The following PRKCB variants were observed in gnomAD, a reference collection of about 807,000 sequenced individuals.
PRKCB encodes the protein protein kinase C beta type.
PRKCB carries 13 observed loss-of-function variants against 81.5 expected under a neutral mutation model. The ratio of observed to expected loss-of-function variants is 0.16; its 90% confidence interval spans 0.10 to 0.25. PRKCB has a LOEUF of 0.25. Ranked by LOEUF, PRKCB falls within the 10% of genes least tolerant of loss-of-function variation. The probability of loss-of-function intolerance (pLI) is 1.00; values close to 1 mark genes in which losing one functional copy is unlikely to be tolerated. For missense variants in PRKCB, 509 were observed against 875.7 expected, an observed-to-expected ratio of 0.58 and a Z score of 5.29; for synonymous variants, 335 against 321.4, an observed-to-expected ratio of 1.04 and a Z score of -0.45.
intron 8 of PRKCB, among the ~76,000 whole-genome samples, chr16:24,122,796 T>C (rs1405687060): frequency 2.0e-5 from 3 of 152,184 alleles, no homozygotes; most frequent in Admixed American, 6.5e-5. Flanking sequence ...TTCTCTCTGC[T>C]AAACGTGAAT....
chr16:23,994,125 C>T (rs1171746357), intron 3 of PRKCB, among the ~76,000 whole-genome samples: 1 of 152,162 alleles, frequency 6.6e-6, no homozygotes, highest in Non-Finnish European at 1.5e-5. Context: ...GATAACTGTG[C>T]ACTAGAGAAA....
intron 16 of PRKCB, among the ~76,000 whole-genome samples, chr16:24,201,218 T>C (rs979424846): frequency 1.3e-4 from 20 of 152,200 alleles, no homozygotes; most frequent in African/African-American, 4.6e-4. Context: ...ACAGCTTCTC[T>C]CTGTATCAAC....
At chr16:23,951,259 C>A (rs191378457) in intron 2 of PRKCB, among the ~76,000 whole-genome samples, 1 of 152,140 alleles carries the variant, frequency 6.6e-6, no homozygotes, top group East Asian at 1.9e-4. Context: ...CACGTGGTTG[C>A]CAATACTGGG....
chr16:23,969,046 T>C (rs1176000379), intron 2 of PRKCB, among the ~76,000 whole-genome samples: 1 of 152,116 alleles, frequency 6.6e-6, no homozygotes, highest in Non-Finnish European at 1.5e-5. Flanking sequence ...GGTGGGTGCC[T>C]GTAATCCAAG....
rs543064850 is a variant in PRKCB, at chr16:24,154,767, C to T, written c.1149C>T (p.Asp383=). 32 of 1,614,188 alleles carry T rather than the reference C, an allele frequency of 2.0e-5. No individual in the cohort carries two copies. Among genetic ancestry groups the T allele is most frequent in the East Asian group, 1.6e-4 (7 of 44,884 alleles). The change falls in exon 10 of 17, where the codon GAC becomes GAT. Residue 383 remains aspartate (D), a synonymous_variant. Coordinates refer to ENST00000643927, the MANE Select transcript of PRKCB (RefSeq NM_002738.7). ...AGGACGTTGTGATCCAAGATGATGA[C>T]GTGGAGTGCACTATGGTGGAGAAGC... The part of the protein sequence containing the change: ...LKKDVVIQDD[D]VECTMVEKRV...
chr16:23,866,998 T>G lies in PRKCB; in HGVS notation c.205+29592T>G, dbSNP rs1164671841. Among the ~76,000 whole-genome samples, 3 of 55,006 alleles carry G rather than the reference T, an allele frequency of 5.5e-5. No homozygotes were observed. The Admixed American group carries it at 6.0e-4, about 11-fold the overall frequency. 36.1% of individuals were successfully genotyped at this position (55,006 alleles called of 152,430 possible). On this transcript the variant is annotated intron_variant, in intron 2 of 16. Transcript: ENST00000643927. The stretch of plus-strand genomic sequence containing the variant: ...CCTTCCCTTCCTTCCCTTCCTTCCC[T>G]TCCTTCCTTCCTTCCTTCCTTCCTT...
intron 8 of PRKCB, among the ~76,000 whole-genome samples, chr16:24,122,449 CTTTTTT>C (rs35364143): frequency 1.0e-5 from 1 of 97,640 alleles, no homozygotes; most frequent in Non-Finnish European, 1.8e-5. Flanking sequence ...TACCACGAGG[CTTTTTT>C]TTTTTTTTTT....
At chr16:24,035,222 T>C (rs1221349644) in intron 4 of PRKCB, among the ~76,000 whole-genome samples, 197 bp from the exon 5 acceptor site, 1 of 152,150 alleles carries the variant, frequency 6.6e-6, no homozygotes, top group Non-Finnish European at 1.5e-5. Context: ...CCTTTGCCCA[T>C]CAGGGTTCAG....
intron 2 of PRKCB, among the ~76,000 whole-genome samples, chr16:23,970,352 C>CACCA (rs1964541017): frequency 6.6e-6 from 1 of 152,208 alleles, no homozygotes; most frequent in Non-Finnish European, 1.5e-5. Flanking sequence ...TGTCCCAGAG[C>CACCA]ACCACCTGGG....
intron 8 of PRKCB, among the ~76,000 whole-genome samples, chr16:24,113,974 T>C (rs536228710): frequency 6.6e-6 from 1 of 151,776 alleles, no homozygotes; most frequent in Non-Finnish European, 1.5e-5. Context: ...TCCAGCACTT[T>C]GGGAAGCTGA....
intron 2 of PRKCB, among the ~76,000 whole-genome samples, chr16:23,943,637 C>T (rs753144179): frequency 2.6e-5 from 4 of 152,114 alleles, no homozygotes; most frequent in East Asian, 1.9e-4. Flanking sequence ...ACAGACTCTG[C>T]GCCTGTACAA....
rs1963240851 is a variant in PRKCB at position 23,888,643 on chromosome 16, C to T, written c.205+51237C>T. 6.6e-5 allele frequency among the ~76,000 whole-genome samples: 10 copies of T among 151,352 alleles called. No individual in the cohort carries two copies. In the South Asian group the frequency reaches 2.1e-3, roughly 31 times the overall value. The stretch of plus-strand genomic sequence containing the variant: ...TTGGCCATAACCGCTAGTTTATCCT[C>T]CCTCCCTCTGCCACCCTCGTCATGT... On this transcript the variant is annotated intron_variant, in intron 2 of 16. Transcript: ENST00000643927.
intron 3 of PRKCB, among the ~76,000 whole-genome samples, chr16:23,997,844 A>G (rs1460593789): frequency 6.6e-6 from 1 of 152,114 alleles, no homozygotes; most frequent in Non-Finnish European, 1.5e-5. Context: ...CTTTATTTGG[A>G]GGTTCTTTAT....
Position 23,895,271 on chromosome 16 carries a change from T to C in PRKCB, c.205+57865T>C, listed in dbSNP as rs1963360604. Reference sequence around the variant, plus strand: ...TTCTCATTCTTACTGAGTTCCTATTTTTAGTTTTTGAAAATTTTCTTATGA... The same window carrying C: ...TTCTCATTCTTACTGAGTTCCTATTCTTAGTTTTTGAAAATTTTCTTATGA... On this transcript the variant is annotated intron_variant, in intron 2 of 16. Transcript: ENST00000643927. Among the ~76,000 whole-genome samples, 6 of 152,298 alleles carry C rather than the reference T, an allele frequency of 3.9e-5. No individual in the cohort carries two copies. The South Asian group carries it at 1.0e-3, about 26-fold the overall frequency.
chr16:24,066,567 A>G (rs140289020), intron 5 of PRKCB, among the ~76,000 whole-genome samples: 15 of 152,344 alleles, frequency 9.8e-5, no homozygotes, highest in African/African-American at 3.6e-4. Context: ...CAAAATGAAG[A>G]TGTTAACACT....
intron 3 of PRKCB, among the ~76,000 whole-genome samples, chr16:24,010,243 A>T (rs572830287): frequency 1.3e-5 from 2 of 152,330 alleles, no homozygotes; most frequent in South Asian, 4.1e-4. Flanking sequence ...AGCGGCACTC[A>T]GCTCCGTTTC....
chr16:23,907,907 C>T (rs879737136), intron 2 of PRKCB, among the ~76,000 whole-genome samples: 10 of 152,146 alleles, frequency 6.6e-5, no homozygotes, highest in African/African-American at 1.7e-4. Flanking sequence ...CTCTGAGAAC[C>T]GGAGGTGGCA....
chr16:23,948,070 C>T (rs1277918168), intron 2 of PRKCB, among the ~76,000 whole-genome samples: 1 of 152,216 alleles, frequency 6.6e-6, no homozygotes, highest in South Asian at 2.1e-4. Context: ...AAGCAGCAGA[C>T]ACTGTGTTTG....
chr16:23,937,645 G>C (rs754572940), intron 2 of PRKCB, among the ~76,000 whole-genome samples: 6 of 152,142 alleles, frequency 3.9e-5, no homozygotes, highest in Non-Finnish European at 5.9e-5. Context: ...CCTCCAACAA[G>C]ATGGAACAAG....
Sources: gnomAD v4.1 joint callset for allele counts (sites outside exome capture counted in the v4.1 genomes callset) on GRCh38, gnomAD v4.1.1 for gene constraint, MANE v1.5 for transcripts, NCBI Gene and HGNC (gene_info 2026-07-23, HGNC 2026-07-21) for gene names.